The following ZFAND3 variants were observed in gnomAD, a reference collection of about 807,000 sequenced individuals.
The protein encoded by ZFAND3 is zinc finger AN1-type containing 3, also known as AN1-type zinc finger protein 3.
In ZFAND3, 10 loss-of-function variants were observed where a neutral mutation model predicts 29.6. The ratio of observed to expected loss-of-function variants is 0.34; its 90% CI spans 0.21 to 0.57. ZFAND3 has a LOEUF of 0.57. ZFAND3 is among the 20% of genes least tolerant of loss of function. The pLI, the probability that ZFAND3 is intolerant of heterozygous loss-of-function variation, is 0.86. For missense variants in ZFAND3, 230 were observed against 304.5 expected (o/e 0.76, Z 1.82); for synonymous variants, 128 against 112.6 (o/e 1.14, Z -0.87).
intron 2 of ZFAND3, among the ~76,000 whole-genome samples, chr6:37,973,788 A>G (rs1216269405): frequency 6.6e-6 from 1 of 152,214 alleles, no homozygotes; most frequent in Non-Finnish European, 1.5e-5. Flanking sequence ...TTTTCATGAA[A>G]TAATTTAAGG....
chr6:37,874,824 C>G (rs954373334), intron 1 of ZFAND3, among the ~76,000 whole-genome samples: 2 of 152,176 alleles, frequency 1.3e-5, no homozygotes, highest in Admixed American at 1.3e-4. Flanking sequence ...GTCCTCTCGC[C>G]TCAGCCTCCC....
intron 3 of ZFAND3, 78 bp downstream of exon 3, chr6:38,061,853 C>T: frequency 1.3e-6 from 2 of 1,484,968 alleles, no homozygotes; most frequent in Non-Finnish European, 1.8e-6. Context: ...ATGCCTGACC[C>T]CAGAAAAAAC....
At chr6:38,015,079 A>G (rs1385087726) in intron 2 of ZFAND3, among the ~76,000 whole-genome samples, 1 of 152,172 alleles carries the variant, frequency 6.6e-6, no homozygotes. Flanking sequence ...GGAGGAGTAT[A>G]TATTTTACTG....
intron 5 of ZFAND3, among the ~76,000 whole-genome samples, chr6:38,127,784 C>G (rs1025886556): frequency 8.6e-5 from 13 of 151,952 alleles, no homozygotes; most frequent in African/African-American, 1.2e-4. Context: ...TAGTGGTATT[C>G]CATGTAGCCC....
chr6:38,061,631 A>G lies in ZFAND3; in HGVS notation c.151A>G (p.Ser51Gly). 6.2e-7 allele frequency: 1 copy of G among 1,614,234 alleles called. No individual in the cohort carries two copies. Among genetic ancestry groups the G allele is most frequent in the Non-Finnish European group, 8.5e-7 (1 of 1,180,034 alleles). ...ACAGCCAGACGATGATTCCGCTCCA[A>G]GTACAAGTAACAGCCAATCAGATTT... ...KKQPDDDSAP[S>G]TSNSQSDLFS... The change falls in exon 3 of 6, where the codon AGT (serine) becomes GGT (glycine). Residue 51 changes from serine to glycine, a missense_variant. This residue lies in a region of ZFAND3 where 180 missense variants were observed against 202.5 expected (regional missense o/e 0.89). Coordinates refer to ENST00000287218, the MANE Select transcript of ZFAND3 (RefSeq NM_021943.3).
intron 2 of ZFAND3, among the ~76,000 whole-genome samples, chr6:38,049,126 C>A (rs1763969175): frequency 6.6e-6 from 1 of 152,178 alleles, no homozygotes; most frequent in Non-Finnish European, 1.5e-5. Context: ...ATTCATGATA[C>A]CCACCTGGTC....
At chr6:37,983,132 T>C (rs2132597) in intron 2 of ZFAND3, among the ~76,000 whole-genome samples, 45,464 of 151,930 alleles carry the variant, frequency 0.3, 7,506 homozygotes, top group Non-Finnish European at 0.38. Flanking sequence ...TCAGAAGTTT[T>C]ATAATATAAA....
At chr6:37,968,689 CT>C (rs1470491766) in intron 2 of ZFAND3, among the ~76,000 whole-genome samples, 1 of 152,080 alleles carries the variant, frequency 6.6e-6, no homozygotes, top group Admixed American at 6.6e-5. Context: ...TATTCAAACC[CT>C]TCCCCCTTCC....
At chr6:37,920,287 T>C (rs774865770) in intron 1 of ZFAND3, among the ~76,000 whole-genome samples, 17 of 152,036 alleles carry the variant, frequency 1.1e-4, no homozygotes, top group Non-Finnish European at 2.1e-4. Context: ...GGAAAAATTA[T>C]TTGGCATTTT....
intron 2 of ZFAND3, among the ~76,000 whole-genome samples, chr6:37,965,051 C>T (rs1762265624): frequency 6.6e-6 from 1 of 152,040 alleles, no homozygotes; most frequent in East Asian, 1.9e-4. Context: ...TGGTAAAAGA[C>T]CAGTTCTTTT....
intron 5 of ZFAND3, among the ~76,000 whole-genome samples, chr6:38,131,394 A>T (rs1434383143): frequency 6.6e-6 from 1 of 152,248 alleles, no homozygotes; most frequent in Admixed American, 6.5e-5. Flanking sequence ...CCAGCGCTTT[A>T]GAGTCCTTCT....
intron 2 of ZFAND3, among the ~76,000 whole-genome samples, chr6:38,045,573 C>T (rs1367184238): frequency 6.6e-6 from 1 of 152,034 alleles, no homozygotes; most frequent in African/African-American, 2.4e-5. Flanking sequence ...TCCTTTTAAT[C>T]AGTAGTCTTC....
intron 1 of ZFAND3, among the ~76,000 whole-genome samples, chr6:37,878,878 T>C (rs1764841062): frequency 1.3e-5 from 2 of 152,324 alleles, no homozygotes; most frequent in African/African-American, 4.8e-5. Flanking sequence ...GGTGAAGTTC[T>C]TAAGAAGCTA....
chr6:38,032,422 A>G (rs148463361), intron 2 of ZFAND3, among the ~76,000 whole-genome samples: 1 of 152,340 alleles, frequency 6.6e-6, no homozygotes, highest in East Asian at 1.9e-4. Flanking sequence ...GTTAAGTTGT[A>G]TCAGAAATGT....
intron 4 of ZFAND3, among the ~76,000 whole-genome samples, chr6:38,110,466 T>C (rs1228866939): frequency 2.6e-5 from 4 of 151,540 alleles, no homozygotes; most frequent in African/African-American, 9.7e-5. Flanking sequence ...CAAGTCTCTT[T>C]TATCAGTTTT....
At chr6:37,822,314 A>G (rs1374566734) in intron 1 of ZFAND3, among the ~76,000 whole-genome samples, 6 of 152,194 alleles carry the variant, frequency 3.9e-5, no homozygotes, top group African/African-American at 1.2e-4. Flanking sequence ...GTGACCACAA[A>G]ACTAGTATTT....
chr6:38,144,968 CTTCT>C (rs1343444267), intron 5 of ZFAND3, among the ~76,000 whole-genome samples: 1 of 152,216 alleles, frequency 6.6e-6, no homozygotes, highest in Non-Finnish European at 1.5e-5. Flanking sequence ...TCAGCATCAC[CTTCT>C]TTGTCTCCCT....
chr6:37,916,130 T>G (rs993367033), intron 1 of ZFAND3, among the ~76,000 whole-genome samples: 1 of 151,688 alleles, frequency 6.6e-6, no homozygotes, highest in East Asian at 1.9e-4. Context: ...GGGCATAGTT[T>G]ATGGTGTCCC....
chr6:37,897,330 T>C (rs1765238737), intron 1 of ZFAND3, among the ~76,000 whole-genome samples: 1 of 152,232 alleles, frequency 6.6e-6, no homozygotes, highest in Non-Finnish European at 1.5e-5. Flanking sequence ...CTCAACATTA[T>C]GTCTGTAAGG....
Sources: allele counts gnomAD v4.1 joint callset (sites outside exome capture counted in the v4.1 genomes callset), GRCh38; gene constraint gnomAD v4.1.1; regional missense constraint gnomAD v4.1.1; transcripts MANE v1.5; gene names NCBI Gene and HGNC (gene_info 2026-07-23, HGNC 2026-07-21).